The following GABPB2 variants were observed in gnomAD, a reference collection of about 807,000 sequenced individuals.
GABPB2 encodes GA-binding protein subunit beta-2.
Under a neutral mutation model 39.1 loss-of-function variants are expected in GABPB2, and 23 were observed. The observed-to-expected ratio is 0.59, with a 90% CI of 0.42 to 0.83. The LOEUF (loss-of-function observed/expected upper bound fraction) is 0.83, where lower values mean the gene tolerates loss of function less well. Ranked by LOEUF, GABPB2 falls within the 40% of genes least tolerant of loss-of-function variation. The probability of loss-of-function intolerance (pLI) is 0.00; values close to 1 mark genes in which losing one functional copy is unlikely to be tolerated. For synonymous variants in GABPB2, 184 were observed against 199.3 expected, an observed-to-expected ratio of 0.92 and a Z score of 0.65; for missense variants, 467 against 541.1, an observed-to-expected ratio of 0.86 and a Z score of 1.36.
chr1:151,076,621 G>A (rs1677188464), intron 1 of GABPB2, among the ~76,000 whole-genome samples: 1 of 151,664 alleles, frequency 6.6e-6, no homozygotes, highest in South Asian at 2.1e-4. Context: ...GTAGAAACGG[G>A]CTTTCACCAT....
chr1:151,103,142 C>G (rs967120949), intron 5 of GABPB2, among the ~76,000 whole-genome samples: 2 of 150,868 alleles, frequency 1.3e-5, no homozygotes, highest in African/African-American at 4.9e-5. Flanking sequence ...CTCTGGCTCC[C>G]GGGTTCATGC....
chr1:151,075,104 C>T (rs1190996842), intron 1 of GABPB2, among the ~76,000 whole-genome samples: 5 of 151,620 alleles, frequency 3.3e-5, no homozygotes, highest in East Asian at 2.0e-4. Flanking sequence ...ATCGTGCCAC[C>T]GCACTCCAGT....
chr1:151,083,671 G>A (rs1169553880), intron 1 of GABPB2, among the ~76,000 whole-genome samples: 2 of 146,972 alleles, frequency 1.4e-5, no homozygotes, highest in Admixed American at 6.7e-5. Context: ...ATATATATAT[G>A]TATATATACT....
intron 1 of GABPB2, among the ~76,000 whole-genome samples, chr1:151,081,153 A>G (rs61819201): frequency 1 from 151,336 of 151,350 alleles, 75,663 homozygotes; most frequent in Middle Eastern, 1. Context: ...GATTACAGGC[A>G]TGAGCCACCA....
intron 3 of GABPB2, among the ~76,000 whole-genome samples, chr1:151,091,105 GAGA>G (rs1678652076): frequency 6.6e-6 from 1 of 151,726 alleles, no homozygotes; most frequent in Non-Finnish European, 1.5e-5. Context: ...TTTGATTTTT[GAGA>G]AGGAGTCTTG....
intron 1 of GABPB2, among the ~76,000 whole-genome samples, chr1:151,083,392 G>A (rs587759520): frequency 7.0e-4 from 106 of 152,308 alleles, no homozygotes; most frequent in African/African-American, 2.3e-3. Flanking sequence ...AGCACTTTGG[G>A]AGGCTGAGGC....
rs1288441512 is a variant in GABPB2 at position 151,120,796 on chromosome 1, G to C, written c.*2540G>C. The C allele has an allele frequency of 2.7e-5, 3 of 112,226 alleles. No individual in the cohort carries two copies. The highest frequency in any genetic ancestry group is 5.2e-5 in the Non-Finnish European group (3 of 58,220). The allele number at this position is 112,226 out of a possible 1,614,324, so 7.0% of individuals were successfully genotyped here. The stretch of plus-strand genomic sequence containing the variant: ...TTTGAGACGGAGTCTTGCTCTTGTT[G>C]CCCAGGCTGGAGTGCAATGGTGTGA... On this transcript the variant is annotated 3_prime_UTR_variant, in exon 9 of 9. Transcript: ENST00000368918.
Position 151,072,016 on chromosome 1 carries a change from A to G in GABPB2, c.-1+1082A>G, listed in dbSNP as rs149679844. ...GACAGTCTATGGCTTACTATCAACG[A>G]TGTAACAAAATTTTGGCCATCCAAG... On this transcript the variant is annotated intron_variant, in intron 1 of 8. Transcript: ENST00000368918. Among the ~76,000 whole-genome samples, 20 of 152,340 alleles carry G rather than the reference A, an allele frequency of 1.3e-4. No homozygotes were observed. The East Asian group carries it at 2.1e-3, about 16-fold the overall frequency.
At position 151,097,171 on chromosome 1, in the gene GABPB2, C is replaced by T. The variant is rs1050225715; in HGVS notation, c.472-681C>T. The stretch of plus-strand genomic sequence containing the variant: ...AAGTGGTCCACCCGCCTCAGCCTCC[C>T]AAAGTGGTAGGATTACAGGCATGAG... On this transcript the variant is annotated intron_variant, in intron 4 of 8. Transcript: ENST00000368918. Among the ~76,000 whole-genome samples, 6 of 151,992 alleles carry T rather than the reference C, an allele frequency of 3.9e-5. No homozygotes were observed. The East Asian group carries it at 1.2e-3, about 29-fold the overall frequency.
chr1:151,089,652 TA>T (rs1571920219), intron 2 of GABPB2, among the ~76,000 whole-genome samples: 1 of 152,248 alleles, frequency 6.6e-6, no homozygotes, highest in East Asian at 1.9e-4. Flanking sequence ...TTACTTTATT[TA>T]TTTATTTTTT....
chr1:151,072,649 C>T (rs1245751107), intron 1 of GABPB2, among the ~76,000 whole-genome samples: 2 of 152,164 alleles, frequency 1.3e-5, no homozygotes, highest in South Asian at 2.1e-4. Flanking sequence ...AGTTCGACAC[C>T]AGCCTGGCTA....
rs1323153059 is a variant in GABPB2 at position 151,099,466 on chromosome 1, G to T, written c.622+1464G>T. On this transcript the variant is annotated intron_variant, in intron 5 of 8. Coordinates refer to ENST00000368918, the MANE Select transcript of GABPB2 (RefSeq NM_144618.3). Reference sequence around the variant, plus strand: ...CCGCCTCGGCCTCCCAAAGTGCTGGGATTACAGGCATGAGCCACCGCACCT... The same window carrying T: ...CCGCCTCGGCCTCCCAAAGTGCTGGTATTACAGGCATGAGCCACCGCACCT... Among the ~76,000 whole-genome samples the T allele has an allele frequency of 6.6e-5, 10 of 152,254 alleles. No individual in the cohort carries two copies. In the South Asian group the frequency reaches 1.5e-3, roughly 22 times the overall value.
chr1:151,120,405 G>A lies in GABPB2; in HGVS notation c.*2149G>A, dbSNP rs1418036779. 2 of 152,216 alleles carry A rather than the reference G, an allele frequency of 1.3e-5. No homozygotes were observed. The highest frequency in any genetic ancestry group is 6.6e-5 in the Admixed American group (1 of 15,258). 9.4% of individuals were successfully genotyped at this position (152,216 alleles called of 1,614,324 possible). Reference sequence around the variant, plus strand: ...CATGCCTGTAATCCCAGCTACTCAGGAGGCTGAGGCAGGAGAATCGCTTGA... The same window carrying A: ...CATGCCTGTAATCCCAGCTACTCAGAAGGCTGAGGCAGGAGAATCGCTTGA... On this transcript the variant is annotated 3_prime_UTR_variant, in exon 9 of 9. Coordinates refer to ENST00000368918, the MANE Select transcript of GABPB2 (RefSeq NM_144618.3).
In GABPB2 at chr1:151,077,036, G is replaced by A. The variant is rs184488822; in HGVS notation, c.-1+6102G>A. Among the ~76,000 whole-genome samples, 1,045 of 151,376 alleles carry A rather than the reference G, an allele frequency of 6.9e-3. 15 individuals are homozygous for A. The highest frequency in any genetic ancestry group is 8.2e-3 in the Non-Finnish European group (554 of 67,776). ...TCTCAATCTCCTGACCTCGTGATCC[G>A]CCCTCCTGGGCCTCCCAAAGTGCTG... On this transcript the variant is annotated intron_variant, in intron 1 of 8. Coordinates refer to ENST00000368918, the MANE Select transcript of GABPB2 (RefSeq NM_144618.3).
chr1:151,104,088 G>A (rs990015179), intron 6 of GABPB2, among the ~76,000 whole-genome samples: 1 of 152,090 alleles, frequency 6.6e-6, no homozygotes, highest in Non-Finnish European at 1.5e-5. Context: ...TACCTTTTTC[G>A]TTGTCATATC....
At chr1:151,081,520 C>A (rs1218510651) in intron 1 of GABPB2, among the ~76,000 whole-genome samples, 3 of 151,956 alleles carry the variant, frequency 2.0e-5, no homozygotes, top group African/African-American at 4.8e-5. Context: ...AAGAAACAAA[C>A]CGTATATATA....
In GABPB2 at chr1:151,123,074, A is replaced by G. The variant is rs1681237937; in HGVS notation, c.*4818A>G. ...CTTTGCATATCTTTCTGGATTAGTCATGGAAGTTGGGGAAATATTGCTTAG... is the reference window on the plus strand; with the variant it reads ...CTTTGCATATCTTTCTGGATTAGTCGTGGAAGTTGGGGAAATATTGCTTAG... On this transcript the variant is annotated 3_prime_UTR_variant, in exon 9 of 9. Coordinates refer to ENST00000368918, the MANE Select transcript of GABPB2 (RefSeq NM_144618.3). The G allele has an allele frequency of 6.6e-6, 1 of 152,224 alleles. No individual in the cohort carries two copies. Among genetic ancestry groups the G allele is most frequent in the African/African-American group, 2.4e-5 (1 of 41,466 alleles). 9.4% of individuals were successfully genotyped at this position (152,224 alleles called of 1,614,324 possible).
Position 151,090,541 on chromosome 1 carries a change from G to A in GABPB2, c.244G>A (p.Gly82Arg). ...RTPLHMAAADGHAHIVELLVR... is the reference protein window; with the variant it reads ...RTPLHMAAADRHAHIVELLVR... Reference sequence around the variant, plus strand: ...CCCCTTGCACATGGCTGCAGCCGATGGACATGCGCACATCGTGGAACTGCT... The same window carrying A: ...CCCCTTGCACATGGCTGCAGCCGATAGACATGCGCACATCGTGGAACTGCT... The change falls in exon 3 of 9, where the codon GGA becomes AGA. Residue 82 changes from glycine to arginine, a missense_variant. Gly to Arg is a moderately radical substitution (Grantham distance 125). Transcript: ENST00000368918. The A allele has an allele frequency of 1.2e-6, 2 of 1,614,052 alleles. No homozygotes were observed. Among genetic ancestry groups the A allele is most frequent in the Non-Finnish European group, 1.7e-6 (2 of 1,179,974 alleles).
chr1:151,110,569 C>T (rs938589354), intron 7 of GABPB2, among the ~76,000 whole-genome samples: 1 of 151,926 alleles, frequency 6.6e-6, no homozygotes, highest in Non-Finnish European at 1.5e-5. Context: ...TCAAGCAGTC[C>T]TCCCACCTCA....
Sources: gnomAD v4.1 joint callset for allele counts (sites outside exome capture counted in the v4.1 genomes callset) on GRCh38, gnomAD v4.1.1 for gene constraint, MANE v1.5 for transcripts, NCBI Gene and HGNC (gene_info 2026-07-23, HGNC 2026-07-21) for gene names.